LRP6: variants seen among roughly 807,000 people sequenced by gnomAD.
LRP6 encodes low-density lipoprotein receptor-related protein 6.
In LRP6, 43 loss-of-function variants were observed where a neutral mutation model predicts 184.1. The observed-to-expected ratio is 0.23, with a 90% CI of 0.18 to 0.30. The LOEUF (loss-of-function observed/expected upper bound fraction) is 0.30, where lower values mean the gene tolerates loss of function less well. Among genes scored for constraint, LRP6 ranks in the 10% least tolerant of loss-of-function variants. The pLI is 1.00. For missense variants in LRP6, 1,571 were observed against 2,005.3 expected (o/e 0.78, Z 4.14); for synonymous variants, 719 against 684.9 (o/e 1.05, Z -0.78).
intron 2 of LRP6, among the ~76,000 whole-genome samples, chr12:12,241,438 T>C (rs1296851366): frequency 6.6e-6 from 1 of 152,168 alleles, no homozygotes; most frequent in African/African-American, 2.4e-5. Flanking sequence ...TGAATATATT[T>C]TTCAGTGTAG....
At chr12:12,173,359 G>C (rs562764559) in intron 7 of LRP6, among the ~76,000 whole-genome samples, 2 of 151,988 alleles carry the variant, frequency 1.3e-5, no homozygotes, top group Admixed American at 6.6e-5. Flanking sequence ...TTTGTTTTTG[G>C]GGGGACAGGG....
chr12:12,147,345 G>C (rs369354297), intron 15 of LRP6, 21 bp downstream of exon 15: 6 of 1,612,274 alleles, frequency 3.7e-6, no homozygotes, highest in Non-Finnish European at 5.1e-6. Context: ...ATTAAAATAA[G>C]GAAACATATT....
At chr12:12,175,471 A>G (rs1425856794) in intron 7 of LRP6, among the ~76,000 whole-genome samples, 1 of 152,046 alleles carries the variant, frequency 6.6e-6, no homozygotes, top group African/African-American at 2.4e-5. Flanking sequence ...ACGCAGCTCC[A>G]GGTCAGGAGA....
intron 2 of LRP6, among the ~76,000 whole-genome samples, chr12:12,203,985 A>G (rs2137044389): frequency 6.6e-6 from 1 of 152,308 alleles, no homozygotes; most frequent in Non-Finnish European, 1.5e-5. Context: ...CCCACAGATT[A>G]CTTATTAACA....
chr12:12,185,337 T>TA lies in LRP6; in HGVS notation c.845-1227dup, dbSNP rs201157236. Among the ~76,000 whole-genome samples, 1,185 of 152,146 alleles carry TA rather than the reference T, an allele frequency of 7.8e-3. 13 individuals carry two copies. The highest frequency in any genetic ancestry group is 0.027 in the African/African-American group (1,140 of 41,526). On this transcript the variant is annotated intron_variant, in intron 4 of 22. Transcript: ENST00000261349. ...ATTCTCTTTTGAGGGCTATGAAGAA[T>TA]AAAAAAATTCATACAAGTGACTGAA...
chr12:12,211,027 G>A (rs988736319), intron 2 of LRP6: 6 of 152,214 alleles, frequency 3.9e-5, no homozygotes, highest in African/African-American at 4.8e-5. Context: ...ACTTGATCAT[G>A]TGTTGGTATC....
chr12:12,131,778 GA>G, intron 18 of LRP6, 42 bp downstream of exon 18: 5 of 1,538,132 alleles, frequency 3.3e-6, no homozygotes, highest in Non-Finnish European at 4.5e-6. Context: ...AACTGAATGG[GA>G]AAAAAGGATT....
intron 2 of LRP6, among the ~76,000 whole-genome samples, chr12:12,215,448 G>A (rs925623652): frequency 4.0e-5 from 6 of 151,716 alleles, no homozygotes; most frequent in Non-Finnish European, 7.4e-5. Context: ...ATTTTGAGAC[G>A]GAGTTTCACT....
chr12:12,235,937 T>C (rs543200587), intron 2 of LRP6, among the ~76,000 whole-genome samples: 1 of 151,358 alleles, frequency 6.6e-6, no homozygotes, highest in Non-Finnish European at 1.5e-5. Flanking sequence ...TAAAAAACAA[T>C]GAGGGCGGCT....
intron 2 of LRP6, among the ~76,000 whole-genome samples, chr12:12,225,557 A>G (rs772961112): frequency 4.6e-5 from 7 of 152,114 alleles, no homozygotes; most frequent in South Asian, 2.1e-4. Context: ...TTTTACCTCC[A>G]GGAGCTCTAC....
chr12:12,147,272 A>G (rs1376840456), intron 15 of LRP6, 94 bp downstream of exon 15: 17 of 1,419,634 alleles, frequency 1.2e-5, no homozygotes, highest in Non-Finnish European at 1.4e-5. Context: ...AACTGCCAAG[A>G]AATGTGCCAA....
At chr12:12,142,255 A>T (rs1949945024) in intron 15 of LRP6, among the ~76,000 whole-genome samples, 1 of 152,172 alleles carries the variant, frequency 6.6e-6, no homozygotes. Context: ...AAGAAGAATG[A>T]TTTTTAAAGA....
chr12:12,212,390 C>G (rs562952275), intron 2 of LRP6, among the ~76,000 whole-genome samples: 2 of 152,246 alleles, frequency 1.3e-5, no homozygotes, highest in African/African-American at 4.8e-5. Context: ...TTTGAATGCA[C>G]AAAAGCATGA....
intron 2 of LRP6, among the ~76,000 whole-genome samples, chr12:12,239,681 A>G (rs1218033502): frequency 6.7e-6 from 1 of 150,016 alleles, no homozygotes; most frequent in Non-Finnish European, 1.5e-5. Context: ...TTTTTTTTTC[A>G]TCTCCAGCCA....
chr12:12,188,617 A>G (rs1863538157), intron 3 of LRP6, among the ~76,000 whole-genome samples: 1 of 152,168 alleles, frequency 6.6e-6, no homozygotes, highest in African/African-American at 2.4e-5. Context: ...AAGCATTATA[A>G]ATTCAGACAA....
chr12:12,138,317 A>C lies in LRP6; in HGVS notation c.3607+8T>G, dbSNP rs755761499. ...TCCTCCAATTAGCTTTATCCCATTA[A>C]CACTTACTGTATTCTTGAAGGTTCA... On this transcript the variant is annotated splice_region_variant and intron_variant, in intron 16 of 22. Transcript: ENST00000261349. 2.5e-6 allele frequency: 4 copies of C among 1,606,738 alleles called. No homozygotes were observed. The highest frequency in any genetic ancestry group is 3.4e-6 in the Non-Finnish European group (4 of 1,173,260).
chr12:12,257,058 C>T (rs905080748), intron 1 of LRP6, among the ~76,000 whole-genome samples: 1 of 152,042 alleles, frequency 6.6e-6, no homozygotes, highest in East Asian at 1.9e-4. Context: ...TCAGAGTAAG[C>T]AAATCCATAG....
rs867167380 is a variant in LRP6 at position 12,120,040 on chromosome 12, T to A, written c.*1086A>T. 14 of 113,612 alleles carry A rather than the reference T, an allele frequency of 1.2e-4. No individual in the cohort carries two copies. The highest frequency in any genetic ancestry group is 2.8e-4 in the South Asian group (1 of 3,524). 7.0% of individuals were successfully genotyped at this position (113,612 alleles called of 1,614,324 possible). On this transcript the variant is annotated 3_prime_UTR_variant, in exon 23 of 23. Coordinates refer to ENST00000261349, the MANE Select transcript of LRP6 (RefSeq NM_002336.3). ...ATATATATATATATATATATATATA[T>A]ATAAATGATTTCGTACTGTGATATA... is the stretch of plus-strand genomic sequence containing the variant.
chr12:12,158,407 C>T (rs980829633), intron 12 of LRP6, among the ~76,000 whole-genome samples: 5 of 152,182 alleles, frequency 3.3e-5, no homozygotes, highest in African/African-American at 1.2e-4. Flanking sequence ...CTCACTGCAG[C>T]CTCAATCTCC....
Sources: allele counts gnomAD v4.1 joint callset (sites outside exome capture counted in the v4.1 genomes callset), GRCh38; gene constraint gnomAD v4.1.1; transcripts MANE v1.5; gene names NCBI Gene and HGNC (gene_info 2026-07-23, HGNC 2026-07-21).